The following PTGR1 variants were observed in gnomAD, a reference collection of about 807,000 sequenced individuals.
PTGR1 encodes the protein prostaglandin reductase 1, also known as 15-oxoprostaglandin 13-reductase.
Under a neutral mutation model 37.7 loss-of-function variants are expected in PTGR1, and 23 were observed. The ratio of observed to expected loss-of-function variants is 0.61; its 90% CI spans 0.44 to 0.86. The LOEUF is 0.86. PTGR1 is among the 40% of genes least tolerant of loss of function. The pLI is 0.00. For synonymous variants in PTGR1, 134 were observed against 140.0 expected, an observed-to-expected ratio of 0.96 and a Z score of 0.30; for missense variants, 351 against 394.3, an observed-to-expected ratio of 0.89 and a Z score of 0.93.
At chr9:111,557,856 T>A (rs1006205579), downstream of PTGR1, among the ~76,000 whole-genome samples, 5 of 152,178 alleles carry the variant, frequency 3.3e-5, no homozygotes, top group African/African-American at 1.2e-4. Context: ...ATGTTAAAAC[T>A]ATGGAAGTAG....
Position 111,597,879 on chromosome 9 carries a change from A to G in PTGR1, c.-10-447T>C, listed in dbSNP as rs1326553615. ...AAAAGCATCAAACACAAAGAACCCAATAGATAGAAGTCCATGCACCTCTTT... is the reference window on the plus strand; with the variant it reads ...AAAAGCATCAAACACAAAGAACCCAGTAGATAGAAGTCCATGCACCTCTTT... On this transcript the variant is annotated intron_variant, in intron 1 of 9. Transcript: ENST00000407693. Among the ~76,000 whole-genome samples, 6 of 152,332 alleles carry G rather than the reference A, an allele frequency of 3.9e-5. No individual in the cohort carries two copies. In the East Asian group the frequency reaches 9.6e-4, roughly 24 times the overall value.
chr9:111,561,873 TTTTTGTTTTG>T (rs545283246), downstream of PTGR1, among the ~76,000 whole-genome samples: 2 of 152,248 alleles, frequency 1.3e-5, no homozygotes, highest in East Asian at 1.9e-4. Context: ...TGCTGTTGTT[TTTTTGTTTTG>T]TTTTGTTTTG....
At chr9:111,551,118 A>T (rs1190844208) in intron 9 of PTGR1, among the ~76,000 whole-genome samples, 1 of 152,224 alleles carries the variant, frequency 6.6e-6, no homozygotes, top group Non-Finnish European at 1.5e-5. Flanking sequence ...AACAGGTAAA[A>T]TTAAAAATGT....
At position 111,563,194 on chromosome 9, in the gene PTGR1, A is replaced by C. The variant is rs201774010; in HGVS notation, c.917T>G (p.Phe306Cys). The C allele has an allele frequency of 6.2e-7, 1 of 1,613,826 alleles. No individual in the cohort carries two copies. The highest frequency in any genetic ancestry group is 8.5e-7 in the Non-Finnish European group (1 of 1,179,924). Residue 306 changes from phenylalanine (F) to cysteine (C), a missense_variant, in exon 10 of 10, where the codon TTT becomes TGT. Physicochemically the swap from Phe to Cys is radical, Grantham distance 205. Coordinates refer to ENST00000407693, the MANE Select transcript of PTGR1 (RefSeq NM_001146108.2). ...CATAAATGCAGCTGGCATGTTTTCAAATCCTTCAATGATATATTCCTTGTA... is the reference window on the plus strand; with the variant it reads ...CATAAATGCAGCTGGCATGTTTTCACATCCTTCAATGATATATTCCTTGTA... ...IQYKEYIIEGFENMPAAFMGM... is the reference protein window; with the variant it reads ...IQYKEYIIEGCENMPAAFMGM...
intron 9 of PTGR1, among the ~76,000 whole-genome samples, chr9:111,565,631 C>T (rs1339857148): frequency 6.6e-6 from 1 of 152,098 alleles, no homozygotes; most frequent in African/African-American, 2.4e-5. Flanking sequence ...TCAGGTGATC[C>T]TCCCACCTCA....
downstream of PTGR1, among the ~76,000 whole-genome samples, chr9:111,558,535 C>G (rs1828188129): frequency 6.6e-6 from 1 of 152,142 alleles, no homozygotes; most frequent in Admixed American, 6.5e-5. Flanking sequence ...GAAAATGTTG[C>G]AAGCTCATCT....
At chr9:111,551,671 G>A (rs1288075336) in intron 9 of PTGR1, among the ~76,000 whole-genome samples, 11 of 151,728 alleles carry the variant, frequency 7.2e-5, no homozygotes, top group Admixed American at 7.2e-4. Flanking sequence ...CAAAGTGCCG[G>A]GATTACAGGT....
At position 111,570,071 on chromosome 9, in the gene PTGR1, G is replaced by A. The variant is rs748101500; in HGVS notation, c.879+20C>T. 33 of 1,613,736 alleles carry A rather than the reference G, an allele frequency of 2.0e-5. No individual in the cohort carries two copies. The highest frequency in any genetic ancestry group is 2.7e-5 in the Non-Finnish European group (32 of 1,179,920). ...GTGACCTAGTGTACAATTGGAAGGG[G>A]TGGCTCCGGAGCTCCTTACCTCTAA... On this transcript the variant is annotated intron_variant, in intron 9 of 9. Coordinates refer to ENST00000407693, the MANE Select transcript of PTGR1 (RefSeq NM_001146108.2).
intron 8 of PTGR1, among the ~76,000 whole-genome samples, chr9:111,573,162 A>G (rs2132363627): frequency 6.6e-6 from 1 of 152,326 alleles, no homozygotes; most frequent in East Asian, 1.9e-4. Context: ...ACTGTATCCA[A>G]AATATTTGGC....
chr9:111,563,243 C>G lies in PTGR1; in HGVS notation c.880-12G>C, dbSNP rs775714543. The G allele has an allele frequency of 1.2e-6, 2 of 1,605,508 alleles. No homozygotes were observed. The highest frequency in any genetic ancestry group is 2.7e-5 in the African/African-American group (2 of 74,436). On this transcript the variant is annotated splice_polypyrimidine_tract_variant and intron_variant, in intron 9 of 9. Coordinates refer to ENST00000407693, the MANE Select transcript of PTGR1 (RefSeq NM_001146108.2). ...TACTGGATTTTACCCTGTATCAAAG[C>G]AACAACAAATTTTAAAACTTAATTT...
chr9:111,585,082 T>C (rs1389988500), intron 5 of PTGR1, among the ~76,000 whole-genome samples: 1 of 152,146 alleles, frequency 6.6e-6, no homozygotes, highest in Non-Finnish European at 1.5e-5. Flanking sequence ...ATGTTGACAT[T>C]ACTTAGCTTA....
chr9:111,596,519 G>A (rs1366573865), intron 2 of PTGR1, among the ~76,000 whole-genome samples: 1 of 151,962 alleles, frequency 6.6e-6, no homozygotes, highest in Non-Finnish European at 1.5e-5. Flanking sequence ...GGGAGGCCGA[G>A]GCAGGTGGAT....
intron 6 of PTGR1, among the ~76,000 whole-genome samples, chr9:111,579,910 A>G (rs1829223165): frequency 6.6e-6 from 1 of 152,242 alleles, no homozygotes; most frequent in African/African-American, 2.4e-5. Flanking sequence ...CTTATACTCT[A>G]AATGTATTAT....
intron 8 of PTGR1, among the ~76,000 whole-genome samples, chr9:111,572,295 T>C (rs1828851854): frequency 6.6e-6 from 1 of 152,206 alleles, no homozygotes; most frequent in Non-Finnish European, 1.5e-5. Flanking sequence ...TCTCATTTCC[T>C]CATCTTAAAT....
At chr9:111,565,722 A>G (rs1828532315) in intron 9 of PTGR1, among the ~76,000 whole-genome samples, 2 of 152,150 alleles carry the variant, frequency 1.3e-5, no homozygotes, top group South Asian at 2.1e-4. Context: ...GTAGAGTCTC[A>G]TTATGTTGCC....
downstream of PTGR1, among the ~76,000 whole-genome samples, chr9:111,560,126 A>T (rs964706842): frequency 1.3e-5 from 2 of 151,528 alleles, no homozygotes; most frequent in African/African-American, 4.9e-5. Context: ...TGGGTGGATC[A>T]CCTGAGGTCA....
At chr9:111,568,302 C>G (rs1233125207) in intron 9 of PTGR1, among the ~76,000 whole-genome samples, 1 of 152,098 alleles carries the variant, frequency 6.6e-6, no homozygotes, top group Non-Finnish European at 1.5e-5. Context: ...CTATAAATGG[C>G]TGCTCTGGGA....
intron 2 of PTGR1, among the ~76,000 whole-genome samples, chr9:111,596,709 C>A (rs1344735657): frequency 6.6e-6 from 1 of 151,732 alleles, no homozygotes; most frequent in Non-Finnish European, 1.5e-5. Flanking sequence ...TTGCAGTGAG[C>A]CGAGATTGCT....
rs146469061 is a variant in PTGR1 at position 111,570,089 on chromosome 9, A to G, written c.879+2T>C. 8.6e-4 allele frequency: 1,395 copies of G among 1,614,024 alleles called. No individual in the cohort carries two copies. The highest frequency in any genetic ancestry group is 1.0e-3 in the Non-Finnish European group (1,189 of 1,179,972). ...GGAAGGGGTGGCTCCGGAGCTCCTT[A>G]CCTCTAAGACCCATTTCAGCAAGTC... On this transcript the variant is annotated splice_donor_variant, in intron 9 of 9. Transcript: ENST00000407693. LOFTEE classifies it high-confidence loss of function.
Sources: gnomAD v4.1 joint callset for allele counts (sites outside exome capture counted in the v4.1 genomes callset) on GRCh38, gnomAD v4.1.1 for gene constraint, MANE v1.5 for transcripts, NCBI Gene and HGNC (gene_info 2026-07-23, HGNC 2026-07-21) for gene names.